The following NTNG2 variants were observed in gnomAD, a reference collection of about 807,000 sequenced individuals.
The protein encoded by NTNG2 is netrin-G2.
Under a neutral mutation model 47.6 loss-of-function variants are expected in NTNG2, and 15 were observed. That is an observed-to-expected ratio of 0.32 (90% confidence interval 0.21 to 0.49). The LOEUF (loss-of-function observed/expected upper bound fraction) is 0.49. Among genes scored for constraint, NTNG2 ranks in the 20% least tolerant of loss-of-function variants. The pLI, the probability that NTNG2 is intolerant of heterozygous loss-of-function variation, is 0.99. For missense variants in NTNG2, 578 were observed against 764.6 expected, an observed-to-expected ratio of 0.76 and a Z score of 2.88; for synonymous variants, 307 against 324.6, an observed-to-expected ratio of 0.95 and a Z score of 0.58.
rs112339809 is a variant in NTNG2 at position 132,182,088 on chromosome 9, AC to A, written c.213+15049del. Among the ~76,000 whole-genome samples, 11 of 152,116 alleles carry A rather than the reference AC, an allele frequency of 7.2e-5. 1 individual carries two copies. The highest frequency in any genetic ancestry group is 2.7e-4 in the African/African-American group (11 of 41,486). On this transcript the variant is annotated intron_variant, in intron 2 of 7. Coordinates refer to ENST00000393229, the MANE Select transcript of NTNG2 (RefSeq NM_032536.4). This position sits in a 1 kb window ranked among gnomAD's most constrained non-coding sequence, Gnocchi z 4.2. ...GCCCGGAGGAGTGACGGTGTTCCCC[AC>A]CCCCTGCCCTTTGAGACACAATGGA... is the stretch of plus-strand genomic sequence containing the variant.
At chr9:132,164,403 C>T (rs1835346933) in intron 1 of NTNG2, among the ~76,000 whole-genome samples, 1 of 152,152 alleles carries the variant, frequency 6.6e-6, no homozygotes, top group Non-Finnish European at 1.5e-5. Context: ...GGTCCTGCAG[C>T]TGAAGGAAGG....
At chr9:132,185,169 A>T (rs564098694) in intron 2 of NTNG2, among the ~76,000 whole-genome samples, 51 of 152,240 alleles carry the variant, frequency 3.3e-4, no homozygotes, top group African/African-American at 1.2e-3. Context: ...ACTGCTGGGG[A>T]CCAGGCTTCA....
intron 3 of NTNG2, among the ~76,000 whole-genome samples, chr9:132,204,800 G>C (rs1331027677): frequency 6.6e-6 from 1 of 152,186 alleles, no homozygotes; most frequent in African/African-American, 2.4e-5. Context: ...GAAGGGCTGG[G>C]TGTGGTGGCT....
Position 132,236,299 on chromosome 9 carries a change from G to A in NTNG2, c.1055-2805G>A, listed in dbSNP as rs1303975859. 6.6e-6 allele frequency among the ~76,000 whole-genome samples: 1 copy of A among 152,222 alleles called. No individual in the cohort carries two copies. The highest frequency in any genetic ancestry group is 2.4e-5 in the African/African-American group (1 of 41,452). On this transcript the variant is annotated intron_variant, in intron 5 of 7. Coordinates refer to ENST00000393229, the MANE Select transcript of NTNG2 (RefSeq NM_032536.4). The surrounding 1 kb of genome is among the most constrained non-coding windows in gnomAD (Gnocchi z 4.3). ...AAAATGTGTGGGTTAAAGGAGGGAG[G>A]GCGGGGTCCTGGAAGACACTGACAT... is the stretch of plus-strand genomic sequence containing the variant.
In NTNG2 at chr9:132,208,964, T is replaced by C. The variant is rs1839378675; in HGVS notation, c.857+10355T>C. Among the ~76,000 whole-genome samples the C allele has an allele frequency of 6.6e-6, 1 of 152,094 alleles. No individual in the cohort carries two copies. The highest frequency in any genetic ancestry group is 1.5e-5 in the Non-Finnish European group (1 of 68,012). On this transcript the variant is annotated intron_variant, in intron 3 of 7. Transcript: ENST00000393229. The surrounding 1 kb of genome is among the most constrained non-coding windows in gnomAD (Gnocchi z 4.0). Reference sequence around the variant, plus strand: ...CAGGTGGCTTTTTCAAGGGGTCTCCTTCGTTCTCACTGTGCCTCTGAGGCT... The same window carrying C: ...CAGGTGGCTTTTTCAAGGGGTCTCCCTCGTTCTCACTGTGCCTCTGAGGCT...
intron 2 of NTNG2, among the ~76,000 whole-genome samples, chr9:132,183,824 G>A (rs1177139477): frequency 6.6e-6 from 1 of 152,090 alleles, no homozygotes; most frequent in East Asian, 1.9e-4. Flanking sequence ...ACCTGCTGAG[G>A]GTTTTGGTTA....
rs79334956 is a variant in NTNG2, at chr9:132,232,852, G to T, written c.1054+2257G>T. The T allele has an allele frequency of 9.8e-4, 149 of 152,560 alleles. 2 individuals are homozygous for T. In the East Asian group the frequency reaches 0.013, roughly 13 times the overall value. 9.5% of individuals were successfully genotyped at this position (152,560 alleles called of 1,614,324 possible). A position where few individuals can be genotyped will look rare whatever the true frequency, so the allele number is the denominator to read the frequency against. On this transcript the variant is annotated intron_variant, in intron 5 of 7. Transcript: ENST00000393229. ...CTAAAGGGCAGAGTCCCCTCCATCA[G>T]CTCCTGCCTCGGCCTGTTGCTGGGT...
chr9:132,229,043 C>A (rs1164055064), intron 4 of NTNG2, among the ~76,000 whole-genome samples: 1 of 152,080 alleles, frequency 6.6e-6, no homozygotes, highest in Admixed American at 6.5e-5. Flanking sequence ...GCAGCTGGGT[C>A]TTCCTTACTT....
chr9:132,205,885 GA>G (rs1839134017), intron 3 of NTNG2, among the ~76,000 whole-genome samples: 1 of 151,568 alleles, frequency 6.6e-6, no homozygotes, highest in South Asian at 2.1e-4. Context: ...CATCTCAAAA[GA>G]AAAAAACATG....
chr9:132,189,095 T>TTTTTTTTTTTTTTTTG (rs1837655604), intron 2 of NTNG2, among the ~76,000 whole-genome samples: 2 of 139,644 alleles, frequency 1.4e-5, no homozygotes, highest in Non-Finnish European at 3.1e-5. Flanking sequence ...TTTTTTTTTT[T>TTTTTTTTTTTTTTTTG]AGACAGGGTC....
At position 132,198,399 on chromosome 9, in the gene NTNG2, G is replaced by T. The variant is rs769075099; in HGVS notation, c.647G>T (p.Arg216Leu). Residue 216 changes from arginine (R) to leucine (L), a missense_variant, in exon 3 of 8, where the codon CGG becomes CTG. By Grantham distance (102) the Arg-to-Leu change is moderately radical. Coordinates refer to ENST00000393229, the MANE Select transcript of NTNG2 (RefSeq NM_032536.4). The part of the protein sequence containing the change: ...KKEKHVRFEV[R>L]DRFAIFAGPD... ...GAGAAGCACGTGCGCTTCGAGGTGCGGGACCGCTTCGCCATCTTTGCCGGC... is the reference window on the plus strand; with the variant it reads ...GAGAAGCACGTGCGCTTCGAGGTGCTGGACCGCTTCGCCATCTTTGCCGGC... The T allele has an allele frequency of 6.2e-7, 1 of 1,612,918 alleles. No homozygotes were observed. The highest frequency in any genetic ancestry group is 1.7e-5 in the Admixed American group (1 of 60,008).
intron 2 of NTNG2, among the ~76,000 whole-genome samples, chr9:132,194,814 G>A (rs1171445417): frequency 2.0e-5 from 3 of 152,390 alleles, no homozygotes; most frequent in Admixed American, 1.3e-4. Context: ...GCCCCAGGCA[G>A]CCAGGGGACC....
At position 132,242,128 on chromosome 9, in the gene NTNG2, G is replaced by A. The variant is rs1158356696; in HGVS notation, c.*17G>A. 1.8e-5 allele frequency: 20 copies of A among 1,099,422 alleles called. No homozygotes were observed. The highest frequency in any genetic ancestry group is 2.2e-5 in the Non-Finnish European group (20 of 901,132). The allele number at this position is 1,099,422 out of a possible 1,614,324, so 68.1% of individuals were successfully genotyped here. On this transcript the variant is annotated 3_prime_UTR_variant, in exon 8 of 8. Transcript: ENST00000393229. This position sits in a 1 kb window ranked among gnomAD's most constrained non-coding sequence, Gnocchi z 5.9. Reference sequence around the variant, plus strand: ...GGCCGCTGAGCCCCGCCCGGAGGACGCTCCCCGCACCCGGAGGCCGGGGGT... The same window carrying A: ...GGCCGCTGAGCCCCGCCCGGAGGACACTCCCCGCACCCGGAGGCCGGGGGT...
intron 3 of NTNG2, among the ~76,000 whole-genome samples, chr9:132,199,076 GC>G (rs1838545169): frequency 6.6e-6 from 1 of 152,140 alleles, no homozygotes; most frequent in African/African-American, 2.4e-5. Flanking sequence ...GCCTAGGATG[GC>G]TGGGGCTGCA....
intron 2 of NTNG2, among the ~76,000 whole-genome samples, chr9:132,185,378 G>T (rs1056867662): frequency 5.9e-5 from 9 of 152,142 alleles, no homozygotes; most frequent in Non-Finnish European, 1.0e-4. Flanking sequence ...GCTACCAAGC[G>T]CCCCAGCCAG....
At chr9:132,189,885 G>A (rs937406139) in intron 2 of NTNG2, among the ~76,000 whole-genome samples, 2 of 150,868 alleles carry the variant, frequency 1.3e-5, no homozygotes, top group African/African-American at 4.9e-5. Flanking sequence ...CTGACCTCAG[G>A]TGGTCGGCCC....
chr9:132,167,379 C>T lies in NTNG2; in HGVS notation c.213+335C>T, dbSNP rs537891609. Among the ~76,000 whole-genome samples, 39 of 152,354 alleles carry T rather than the reference C, an allele frequency of 2.6e-4. No homozygotes were observed. The East Asian group carries it at 6.0e-3, about 23-fold the overall frequency. ...AAGCCCCACCTCCTGTGTAGGAAGT[C>T]AGCATTCTGGGCGAGTGAGCAAGAT... On this transcript the variant is annotated intron_variant, in intron 2 of 7. Transcript: ENST00000393229.
rs59203878 is a variant in NTNG2 at position 132,172,390 on chromosome 9, T to A, written c.213+5346T>A. 6.6e-3 allele frequency among the ~76,000 whole-genome samples: 1,010 copies of A among 152,306 alleles called. 10 individuals are homozygous for A. The highest frequency in any genetic ancestry group is 0.023 in the African/African-American group (976 of 41,554). ...TTAGAATCCCGTGCTGTGTGATCTC[T>A]GATGTGAGACCTAACCTCTCTGAAC... is the stretch of plus-strand genomic sequence containing the variant. On this transcript the variant is annotated intron_variant, in intron 2 of 7. Transcript: ENST00000393229.
intron 2 of NTNG2, among the ~76,000 whole-genome samples, chr9:132,181,419 C>T (rs1836926058): frequency 6.6e-6 from 1 of 151,616 alleles, no homozygotes. Flanking sequence ...CTCCCAAGTT[C>T]AAGCAATCCT....
Sources: gnomAD v4.1 joint callset for allele counts (sites outside exome capture counted in the v4.1 genomes callset) on GRCh38, gnomAD v4.1.1 for gene constraint, Gnocchi (gnomAD v3.1) non-coding constraint, MANE v1.5 for transcripts, NCBI Gene and HGNC (gene_info 2026-07-23, HGNC 2026-07-21) for gene names.